The following COL14A1 variants were observed in gnomAD, a reference collection of about 807,000 sequenced individuals.
COL14A1 encodes the protein collagen type XIV alpha 1 chain, also known as collagen alpha-1(XIV) chain.
COL14A1 carries 136 observed loss-of-function variants against 230.3 expected under a neutral mutation model. The observed-to-expected ratio is 0.59, with a 90% CI of 0.51 to 0.68. The LOEUF is 0.68. COL14A1 is among the 30% of genes least tolerant of loss of function. COL14A1 has a pLI of 0.00. For missense variants in COL14A1, 1,976 were observed against 2,215.8 expected, an observed-to-expected ratio of 0.89 and a Z score of 2.17; for synonymous variants, 792 against 784.1, an observed-to-expected ratio of 1.01 and a Z score of -0.17.
intron 20 of COL14A1, among the ~76,000 whole-genome samples, chr8:120,245,488 T>A (rs1369207308): frequency 6.6e-6 from 1 of 152,196 alleles, no homozygotes; most frequent in Non-Finnish European, 1.5e-5. Flanking sequence ...AGAGTCATAG[T>A]TGTCTTCATT....
intron 3 of COL14A1, among the ~76,000 whole-genome samples, chr8:120,161,469 T>G (rs114319871): frequency 0.011 from 1,692 of 152,324 alleles, 23 homozygotes; most frequent in African/African-American, 0.028. Flanking sequence ...AATGGGATTT[T>G]GAAATCTTTT....
chr8:120,255,690 T>C (rs1819125088), intron 23 of COL14A1, among the ~76,000 whole-genome samples: 1 of 152,184 alleles, frequency 6.6e-6, no homozygotes, highest in Non-Finnish European at 1.5e-5. Flanking sequence ...AGCAGCCAGA[T>C]AGCCAAGACT....
chr8:120,171,850 A>G (rs138779674), intron 5 of COL14A1, among the ~76,000 whole-genome samples: 312 of 152,116 alleles, frequency 2.1e-3, no homozygotes, highest in African/African-American at 7.1e-3. Flanking sequence ...TTGACAATCT[A>G]TGTCTTTTAA....
chr8:120,238,856 G>A (rs1818532222), intron 19 of COL14A1, among the ~76,000 whole-genome samples: 1 of 152,132 alleles, frequency 6.6e-6, no homozygotes, highest in South Asian at 2.1e-4. Context: ...CTTGGCTAGG[G>A]GAGGGAGTTC....
chr8:120,222,762 C>G (rs1471983023), intron 14 of COL14A1, among the ~76,000 whole-genome samples: 2 of 132,666 alleles, frequency 1.5e-5, no homozygotes, highest in Non-Finnish European at 3.4e-5. Context: ...TTTACTTATT[C>G]TATTCACTCA....
chr8:120,227,499 T>C (rs969595283), intron 17 of COL14A1, 147 bp downstream of exon 17: 8 of 976,116 alleles, frequency 8.2e-6, no homozygotes, highest in Middle Eastern at 3.3e-4. Flanking sequence ...ATCTTCACTT[T>C]CAATGAAACC....
At chr8:120,177,118 C>T (rs1390058993) in intron 5 of COL14A1, among the ~76,000 whole-genome samples, 1 of 152,060 alleles carries the variant, frequency 6.6e-6, no homozygotes, top group Non-Finnish European at 1.5e-5. Flanking sequence ...CTGAGGCCTG[C>T]CCACTCAAGA....
intron 5 of COL14A1, among the ~76,000 whole-genome samples, chr8:120,175,665 T>TC (rs2130615314): frequency 6.6e-6 from 1 of 152,294 alleles, no homozygotes; most frequent in East Asian, 1.9e-4. Context: ...ATGGCTGCCG[T>TC]CCCACAATAT....
At chr8:120,154,016 G>A (rs761213492) in intron 2 of COL14A1, among the ~76,000 whole-genome samples, 3 of 152,108 alleles carry the variant, frequency 2.0e-5, no homozygotes, top group South Asian at 2.1e-4. Context: ...AGTGTTGTTC[G>A]TTGGAAGAAA....
chr8:120,139,513 A>AC (rs1478601547), intron 1 of COL14A1, among the ~76,000 whole-genome samples: 1 of 152,166 alleles, frequency 6.6e-6, no homozygotes, highest in Non-Finnish European at 1.5e-5. Context: ...TTTTGCCTAA[A>AC]CTTTTTTGCC....
chr8:120,265,858 T>C (rs1819486878), intron 24 of COL14A1, among the ~76,000 whole-genome samples: 1 of 152,014 alleles, frequency 6.6e-6, no homozygotes, highest in Admixed American at 6.6e-5. Flanking sequence ...ACAGCTCACC[T>C]CTTAGCCTTC....
At chr8:120,362,610 A>G (rs1288148928) in intron 45 of COL14A1, among the ~76,000 whole-genome samples, 5 of 152,178 alleles carry the variant, frequency 3.3e-5, no homozygotes, top group Non-Finnish European at 7.3e-5. Flanking sequence ...AGTGGTTTCT[A>G]ATGAGACTCT....
Position 120,372,654 on chromosome 8 carries a change from T to C in COL14A1, c.*1423T>C, listed in dbSNP as rs1812195819. Among the ~76,000 whole-genome samples, 1 of 152,148 alleles carries C rather than the reference T, an allele frequency of 6.6e-6. No individual in the cohort carries two copies. The highest frequency in any genetic ancestry group is 2.1e-4 in the South Asian group (1 of 4,820). Reference sequence around the variant, plus strand: ...ATCAGGAAAAGGCTAACACGAAGGATGGTGTCTGTCTGATCACCAGGTTCT... The same window carrying C: ...ATCAGGAAAAGGCTAACACGAAGGACGGTGTCTGTCTGATCACCAGGTTCT... On this transcript the variant is annotated 3_prime_UTR_variant, in exon 48 of 48. Transcript: ENST00000297848.
intron 2 of COL14A1, 127 bp downstream of exon 2, chr8:120,148,057 T>A: frequency 1.5e-6 from 1 of 662,744 alleles, no homozygotes; most frequent in Non-Finnish European, 2.6e-6. Flanking sequence ...GTTTGCACTG[T>A]AGAAATATAC....
chr8:120,199,399 A>C lies in COL14A1; in HGVS notation c.713-3A>C. On this transcript the variant is annotated splice_polypyrimidine_tract_variant and splice_region_variant and intron_variant, in intron 7 of 47. Transcript: ENST00000297848. ...GTGTTTACTTTTCCTTGTTTTCTCC[A>C]AGGTCTTGCTTTGAACTACATTTTT... The C allele has an allele frequency of 6.4e-7, 1 of 1,573,320 alleles. No individual in the cohort carries two copies. Among genetic ancestry groups the C allele is most frequent in the South Asian group, 1.2e-5 (1 of 82,572 alleles).
chr8:120,270,094 G>C lies in COL14A1; in HGVS notation c.3133G>C (p.Asp1045His). The C allele has an allele frequency of 6.2e-7, 1 of 1,611,666 alleles. No individual in the cohort carries two copies. Among genetic ancestry groups the C allele is most frequent in the Non-Finnish European group, 8.5e-7 (1 of 1,178,446 alleles). The change falls in exon 26 of 48, where the codon GAT (aspartate) becomes CAT (histidine). Residue 1045 changes from aspartate (D) to histidine (H), a missense_variant. Physicochemically the swap from Asp to His is moderately conservative, Grantham distance 81. Around this residue, in one of 3 missense-constraint regions of COL14A1, gnomAD observed 1,791 missense variants for 2,019.5 expected, o/e 0.89. Coordinates refer to ENST00000297848, the MANE Select transcript of COL14A1 (RefSeq NM_021110.4). ...GGTGGATGGATCCTGGAGCATTGGA[G>C]ATGAAAATTTCAATAAGATCATCAG... ...FMVDGSWSIG[D>H]ENFNKIISFL...
chr8:120,235,123 G>A (rs2130827894), intron 19 of COL14A1, among the ~76,000 whole-genome samples: 1 of 152,258 alleles, frequency 6.6e-6, no homozygotes, highest in East Asian at 1.9e-4. Flanking sequence ...AGTATTCTCT[G>A]ATGGTAGTTT....
intron 1 of COL14A1, among the ~76,000 whole-genome samples, chr8:120,146,496 T>C (rs962069241): frequency 3.3e-5 from 5 of 152,178 alleles, no homozygotes; most frequent in Admixed American, 3.3e-4. Flanking sequence ...ATACATTTTC[T>C]CTGTGCTCAT....
At chr8:120,340,741 C>T (rs889223252) in intron 42 of COL14A1, among the ~76,000 whole-genome samples, 6 of 152,084 alleles carry the variant, frequency 3.9e-5, no homozygotes, top group Admixed American at 3.3e-4. Flanking sequence ...AATAATAAAT[C>T]AATTGAGAAG....
Sources: allele counts gnomAD v4.1 joint callset (sites outside exome capture counted in the v4.1 genomes callset), GRCh38; gene constraint gnomAD v4.1.1; regional missense constraint gnomAD v4.1.1; transcripts MANE v1.5; gene names NCBI Gene and HGNC (gene_info 2026-07-23, HGNC 2026-07-21).